CEMIP: variants seen among roughly 807,000 people sequenced by gnomAD.
The protein encoded by CEMIP is cell migration inducing hyaluronidase 1, also known as cell migration-inducing and hyaluronan-binding protein.
A neutral mutation model predicts 156.9 loss-of-function variants in CEMIP; 105 were observed. That is an observed-to-expected ratio of 0.67 (90% CI 0.57 to 0.79). The LOEUF is 0.79. Ranked by LOEUF, CEMIP falls within the 30% of genes least tolerant of loss-of-function variation. The pLI is 0.00. For missense variants in CEMIP, 1,457 were observed against 1,769.4 expected (o/e 0.82, Z 3.17); for synonymous variants, 676 against 668.4 (o/e 1.01, Z -0.17).
chr15:80,845,201 CAGG>C (rs1227854943), intron 1 of CEMIP, among the ~76,000 whole-genome samples: 1 of 152,084 alleles, frequency 6.6e-6, no homozygotes, highest in African/African-American at 2.4e-5. Flanking sequence ...GGAGCCAAGG[CAGG>C]AGGATTGCTT....
intron 4 of CEMIP, 104 bp from the exon 5 acceptor site, chr15:80,879,612 G>A: frequency 7.4e-7 from 1 of 1,347,248 alleles, no homozygotes; most frequent in Non-Finnish European, 1.1e-6. Context: ...CTTTTTGCCT[G>A]CCCCGGTGAG....
In CEMIP at chr15:80,942,268, C is replaced by T. The variant is rs1901369661; in HGVS notation, c.3630C>T (p.Phe1210=). The part of the protein sequence containing the change: ...FGSQLKTKDH[F]LEVKMESSKQ... ...TTTTCCAGAAAACAAAGGACCATTTCTTGGAGGTGAAGATGGAGAGTTCCA... is the reference window on the plus strand; with the variant it reads ...TTTTCCAGAAAACAAAGGACCATTTTTTGGAGGTGAAGATGGAGAGTTCCA... Residue 1210 remains phenylalanine, a synonymous_variant, in exon 27 of 30, where the codon TTC becomes TTT. Transcript: ENST00000394685. The T allele has an allele frequency of 1.2e-6, 2 of 1,614,068 alleles. No homozygotes were observed. The highest frequency in any genetic ancestry group is 1.7e-6 in the Non-Finnish European group (2 of 1,179,906).
intron 19 of CEMIP, 120 bp downstream of exon 19, chr15:80,925,875 T>G: frequency 7.1e-7 from 1 of 1,403,630 alleles, no homozygotes; most frequent in Non-Finnish European, 9.4e-7. Flanking sequence ...ACGTTTGGCC[T>G]TCTGGTCCCC....
chr15:80,856,949 C>G (rs535649989), intron 1 of CEMIP, among the ~76,000 whole-genome samples: 2 of 152,302 alleles, frequency 1.3e-5, no homozygotes, highest in East Asian at 3.9e-4. Context: ...TAAAACAGGC[C>G]TATGCGTTAG....
At chr15:80,861,278 C>T (rs1897980692) in intron 1 of CEMIP, among the ~76,000 whole-genome samples, 1 of 152,142 alleles carries the variant, frequency 6.6e-6, no homozygotes, top group Non-Finnish European at 1.5e-5. Context: ...GGCAGTGGTA[C>T]CTTTTAAAAG....
chr15:80,810,908 C>T (rs1896657344), intron 1 of CEMIP, among the ~76,000 whole-genome samples: 1 of 152,142 alleles, frequency 6.6e-6, no homozygotes. Flanking sequence ...GTCCATCCAG[C>T]AATAAAATTA....
intron 1 of CEMIP, among the ~76,000 whole-genome samples, chr15:80,866,355 C>T (rs868422209): frequency 2.6e-5 from 4 of 151,864 alleles, no homozygotes; most frequent in Admixed American, 1.3e-4. Context: ...TTTGGGAGGT[C>T]GAGGCAGGTG....
Position 80,906,896 on chromosome 15 carries a change from G to A in CEMIP, c.1587+58G>A, listed in dbSNP as rs536748089. On this transcript the variant is annotated intron_variant, in intron 13 of 29. Coordinates refer to ENST00000394685, the MANE Select transcript of CEMIP (RefSeq NM_001293298.2). This position sits in a 1 kb window ranked among gnomAD's most constrained non-coding sequence, Gnocchi z 4.3. ...AACCAGGAGAGTTCCTATGATGTCAGCCTCTAGACGGGCCTTCTTGGTAGG... is the reference window on the plus strand; with the variant it reads ...AACCAGGAGAGTTCCTATGATGTCAACCTCTAGACGGGCCTTCTTGGTAGG... 3 of 1,538,518 alleles carry A rather than the reference G, an allele frequency of 1.9e-6. No homozygotes were observed. Among genetic ancestry groups the A allele is most frequent in the Admixed American group, 1.9e-5 (1 of 51,574 alleles).
intron 1 of CEMIP, among the ~76,000 whole-genome samples, chr15:80,855,162 T>C (rs1481310964): frequency 6.6e-6 from 1 of 152,200 alleles, no homozygotes; most frequent in Non-Finnish European, 1.5e-5. Context: ...ACTGAAGCTC[T>C]TTGAGACAGA....
intron 1 of CEMIP, among the ~76,000 whole-genome samples, chr15:80,830,936 G>T (rs1450778194): frequency 6.6e-6 from 1 of 152,160 alleles, no homozygotes; most frequent in African/African-American, 2.4e-5. Flanking sequence ...CATTCAACAT[G>T]TACTGAATGT....
intron 18 of CEMIP, 102 bp downstream of exon 18, chr15:80,924,808 C>T (rs770614663): frequency 1.9e-5 from 20 of 1,066,508 alleles, no homozygotes; most frequent in Non-Finnish European, 2.9e-5. Context: ...ATCTGTTGAG[C>T]CCTTGCTTTG....
intron 1 of CEMIP, among the ~76,000 whole-genome samples, chr15:80,856,540 G>C (rs986931323): frequency 6.6e-6 from 1 of 152,196 alleles, no homozygotes; most frequent in African/African-American, 2.4e-5. Flanking sequence ...TGTTGGGTTG[G>C]AGGGGAAAGC....
intron 14 of CEMIP, among the ~76,000 whole-genome samples, chr15:80,919,295 T>C (rs767640943): frequency 2.6e-5 from 4 of 152,106 alleles, no homozygotes; most frequent in Non-Finnish European, 5.9e-5. Flanking sequence ...CTAGATGAAG[T>C]TCCCTCGTCC....
intron 3 of CEMIP, among the ~76,000 whole-genome samples, chr15:80,875,127 G>A (rs572018152): frequency 1.5e-4 from 22 of 144,160 alleles, no homozygotes; most frequent in South Asian, 4.5e-4. Flanking sequence ...TCTACCTCCC[G>A]GGCTCAAAAG....
chr15:80,909,021 T>A (rs1899926682), intron 13 of CEMIP, 76 bp from the exon 14 acceptor site: 1 of 1,378,976 alleles, frequency 7.3e-7, no homozygotes, highest in South Asian at 1.2e-5. Flanking sequence ...CTCTGCATCT[T>A]TGGAATATGG....
At chr15:80,928,505 A>G (rs1900779506) in intron 19 of CEMIP, among the ~76,000 whole-genome samples, 1 of 152,168 alleles carries the variant, frequency 6.6e-6, no homozygotes, top group African/African-American at 2.4e-5. Flanking sequence ...GTGCATTCAC[A>G]TACTCCACCT....
At chr15:80,931,833 G>T in intron 21 of CEMIP, 26 bp from the exon 22 acceptor site, 4 of 1,607,826 alleles carry the variant, frequency 2.5e-6, no homozygotes, top group Non-Finnish European at 3.4e-6. Context: ...CATTTAGACT[G>T]ACATCTTACT....
At chr15:80,928,551 C>G (rs1307655315) in intron 19 of CEMIP, among the ~76,000 whole-genome samples, 1 of 152,198 alleles carries the variant, frequency 6.6e-6, no homozygotes, top group Non-Finnish European at 1.5e-5. Flanking sequence ...GAAGGCCCTT[C>G]AAGTTCTCCT....
chr15:80,835,515 G>A (rs1897252891), intron 1 of CEMIP, among the ~76,000 whole-genome samples: 1 of 152,206 alleles, frequency 6.6e-6, no homozygotes, highest in African/African-American at 2.4e-5. Context: ...AGCCTGCAGG[G>A]GCAGCCAATC....
Sources: allele counts gnomAD v4.1 joint callset (sites outside exome capture counted in the v4.1 genomes callset), GRCh38; gene constraint gnomAD v4.1.1; non-coding constraint Gnocchi (gnomAD v3.1); transcripts MANE v1.5; gene names NCBI Gene and HGNC (gene_info 2026-07-23, HGNC 2026-07-21).